The following DISC1 variants were observed in gnomAD, a reference collection of about 807,000 sequenced individuals.
DISC1 encodes DISC1 scaffold protein, also known as disrupted in schizophrenia 1 protein.
Under a neutral mutation model 84.5 loss-of-function variants are expected in DISC1, and 57 were observed. The observed-to-expected ratio is 0.67, with a 90% CI of 0.55 to 0.84. The LOEUF is 0.84. Ranked by LOEUF, DISC1 falls within the 40% of genes least tolerant of loss-of-function variation. DISC1 has a pLI of 0.00. For synonymous variants in DISC1, 411 were observed against 415.2 expected, an observed-to-expected ratio of 0.99 and a Z score of 0.12; for missense variants, 1,000 against 1,057.8, an observed-to-expected ratio of 0.95 and a Z score of 0.76.
At chr1:232,033,958 G>C (rs1416529640) in intron 12 of DISC1, among the ~76,000 whole-genome samples, 1 of 152,020 alleles carries the variant, frequency 6.6e-6, no homozygotes, top group Non-Finnish European at 1.5e-5. Flanking sequence ...GCAAAATTAG[G>C]ATCATTCCAT....
chr1:231,940,981 A>T (rs2091298129), intron 9 of DISC1: 1 of 152,200 alleles, frequency 6.6e-6, no homozygotes, highest in Non-Finnish European at 1.5e-5. Flanking sequence ...TGGGGAGCAG[A>T]TTAAGACATG....
intron 3 of DISC1, among the ~76,000 whole-genome samples, chr1:231,713,791 GGAGAT>G (rs2068264013): frequency 2.4e-5 from 3 of 125,326 alleles, no homozygotes; most frequent in South Asian, 2.6e-4. Flanking sequence ...TATATATATA[GGAGAT>G]ATATATATAT....
intron 10 of DISC1, among the ~76,000 whole-genome samples, chr1:231,989,880 T>C (rs1489994378): frequency 2.0e-5 from 3 of 152,216 alleles, no homozygotes; most frequent in African/African-American, 7.2e-5. Flanking sequence ...GTATCTTACC[T>C]AACGCTGTGC....
intron 3 of DISC1, among the ~76,000 whole-genome samples, chr1:231,710,961 T>G (rs1164693417): frequency 6.6e-6 from 1 of 152,260 alleles, no homozygotes; most frequent in Admixed American, 6.5e-5. Context: ...TTCCACAAAA[T>G]TTGAATAATT....
At chr1:231,818,812 C>G (rs969704634) in intron 9 of DISC1, 9 of 1,198,222 alleles carry the variant, frequency 7.5e-6, no homozygotes, top group African/African-American at 1.6e-5. Context: ...TTGGCAAGGT[C>G]TTGAGCATTT....
rs547023544 is a variant in DISC1, at chr1:231,749,932, C to G, written c.1124C>G (p.Thr375Arg). The change falls in exon 4 of 13, where the codon ACG (threonine) becomes AGG (arginine). Residue 375 changes from threonine (T) to arginine (R), a missense_variant. Around this residue, in one of 3 missense-constraint regions of DISC1, gnomAD observed 311 missense variants for 400.1 expected, o/e 0.78. Coordinates refer to ENST00000439617, the MANE Select transcript of DISC1 (RefSeq NM_018662.3). The part of the protein sequence containing the change: ...VENDDYDKAE[T>R]LQQRLEDLEQ... ...CATCATTTTGGGTTTCCAGCTGAGACGTTACAACAAAGATTAGAAGACCTG... is the reference window on the plus strand; with the variant it reads ...CATCATTTTGGGTTTCCAGCTGAGAGGTTACAACAAAGATTAGAAGACCTG... 1 of 1,614,010 alleles carries G rather than the reference C, an allele frequency of 6.2e-7. No individual in the cohort carries two copies. Among genetic ancestry groups the G allele is most frequent in the Non-Finnish European group, 8.5e-7 (1 of 1,180,012 alleles).
rs970916491 is a variant in DISC1, at chr1:231,687,634, G to A, written c.68-6192G>A. The stretch of plus-strand genomic sequence containing the variant: ...CACGCATGTGTGCTCCCCCAACAGT[G>A]TTCCTTCATGCACATGGATGGTGGT... On this transcript the variant is annotated intron_variant, in intron 1 of 12. Transcript: ENST00000439617. 2.0e-5 allele frequency among the ~76,000 whole-genome samples: 3 copies of A among 152,176 alleles called. No individual in the cohort carries two copies. In the East Asian group the frequency reaches 5.8e-4, roughly 29 times the overall value.
intron 9 of DISC1, among the ~76,000 whole-genome samples, chr1:231,948,065 CT>C (rs1657580812): frequency 6.6e-6 from 1 of 152,168 alleles, no homozygotes; most frequent in African/African-American, 2.4e-5. Context: ...CCTCAAGGAT[CT>C]AGAACTAGAA....
rs2081888151 is a variant in DISC1, at chr1:231,826,743, C to T, written c.1981+8226C>T. Among the ~76,000 whole-genome samples, 1 of 152,156 alleles carries T rather than the reference C, an allele frequency of 6.6e-6. No individual in the cohort carries two copies. Among genetic ancestry groups the T allele is most frequent in the South Asian group, 2.1e-4 (1 of 4,834 alleles). ...TTTGTATATTTTCAAATAACTGTTG[C>T]TAGTTCTGCTTCCTGTTCTAAAATG... On this transcript the variant is annotated intron_variant, in intron 9 of 12. Coordinates refer to ENST00000439617, the MANE Select transcript of DISC1 (RefSeq NM_018662.3). This position sits in a 1 kb window ranked among gnomAD's most constrained non-coding sequence, Gnocchi z 4.2.
At chr1:231,781,023 G>A (rs1240882646) in intron 6 of DISC1, among the ~76,000 whole-genome samples, 6 of 104,728 alleles carry the variant, frequency 5.7e-5, no homozygotes, top group Non-Finnish European at 9.2e-5. Context: ...GGTGGGGGGA[G>A]GGGGGAGGGA....
chr1:231,762,093 C>CT (rs746318520), intron 4 of DISC1, among the ~76,000 whole-genome samples: 3 of 151,240 alleles, frequency 2.0e-5, no homozygotes, highest in Non-Finnish European at 4.4e-5. Flanking sequence ...TTTCTCTTTT[C>CT]TTTTTTCTTT....
chr1:231,723,813 C>T (rs2070226519), intron 3 of DISC1: 1 of 985,444 alleles, frequency 1.0e-6, no homozygotes, highest in African/African-American at 1.7e-5. Context: ...CCTTCTTCCT[C>T]CCTCTTTTTT....
At chr1:231,937,818 G>A (rs1439571308) in intron 9 of DISC1, among the ~76,000 whole-genome samples, 2 of 152,028 alleles carry the variant, frequency 1.3e-5, no homozygotes, top group South Asian at 2.1e-4. Flanking sequence ...GTATGTTTGC[G>A]TGTGTGCATG....
chr1:231,894,778 T>TGTGC lies in DISC1; in HGVS notation c.1982-64049_1982-64048insTGCG, dbSNP rs1553387267. On this transcript the variant is annotated intron_variant, in intron 9 of 12. Transcript: ENST00000439617. ...GTGTGTGTGTGTGTGTGTGTGTGTG[T>TGTGC]GCATCTTTTTATAAGTCCCCATACT... Among the ~76,000 whole-genome samples the TGTGC allele has an allele frequency of 5.7e-3, 792 of 139,248 alleles. 5 individuals carry two copies. Among genetic ancestry groups the TGTGC allele is most frequent in the African/African-American group, 0.019 (739 of 38,364 alleles). 91.4% of individuals were successfully genotyped at this position (139,248 alleles called of 152,430 possible). A position where few individuals can be genotyped will look rare whatever the true frequency, so the allele number is the denominator to read the frequency against.
chr1:231,871,121 T>A (rs2085427738), intron 9 of DISC1, among the ~76,000 whole-genome samples: 1 of 152,222 alleles, frequency 6.6e-6, no homozygotes, highest in Non-Finnish European at 1.5e-5. Flanking sequence ...CTGCACTCAT[T>A]GATGCAGCGA....
chr1:231,907,223 T>A (rs896441701), intron 9 of DISC1, among the ~76,000 whole-genome samples: 19 of 151,548 alleles, frequency 1.3e-4, no homozygotes, highest in Admixed American at 5.3e-4. Flanking sequence ...ACGTGCAGGT[T>A]TGTTACATAT....
chr1:231,760,838 C>G (rs936306943), intron 4 of DISC1, among the ~76,000 whole-genome samples: 2 of 152,184 alleles, frequency 1.3e-5, no homozygotes, highest in African/African-American at 4.8e-5. Flanking sequence ...GCCCAGGGGG[C>G]CTGAGTGCTG....
At chr1:231,771,466 T>C in intron 6 of DISC1, 5 of 985,398 alleles carry the variant, frequency 5.1e-6, no homozygotes, top group Non-Finnish European at 4.8e-6. Flanking sequence ...AGGCAAGCTA[T>C]TGAGAGAGGG....
chr1:231,694,708 G>T lies in DISC1; in HGVS notation c.950G>T (p.Ser317Ile). 4 of 1,614,206 alleles carry T rather than the reference G, an allele frequency of 2.5e-6. No individual in the cohort carries two copies. Among genetic ancestry groups the T allele is most frequent in the Non-Finnish European group, 3.4e-6 (4 of 1,180,044 alleles). ...CTGGCTGGCTGTGGTGGTGATGGGA[G>T]CAGCGGCTCAGGGGATGCCCACTCT... ...PSLAGCGGDGSSGSGDAHSWD... is the reference protein window; with the variant it reads ...PSLAGCGGDGISGSGDAHSWD... The change falls in exon 2 of 13, where the codon AGC becomes ATC. Residue 317 changes from serine (S) to isoleucine (I), a missense_variant. Around this residue, in one of 3 missense-constraint regions of DISC1, gnomAD observed 311 missense variants for 400.1 expected, o/e 0.78. Coordinates refer to ENST00000439617, the MANE Select transcript of DISC1 (RefSeq NM_018662.3).
Sources: gnomAD v4.1 joint callset for allele counts (sites outside exome capture counted in the v4.1 genomes callset) on GRCh38, gnomAD v4.1.1 for gene constraint, gnomAD v4.1.1 regional missense constraint, Gnocchi (gnomAD v3.1) non-coding constraint, MANE v1.5 for transcripts, NCBI Gene and HGNC (gene_info 2026-07-23, HGNC 2026-07-21) for gene names.